The following TTC8 variants were observed in gnomAD, a reference collection of about 807,000 sequenced individuals.
The protein encoded by TTC8 is tetratricopeptide repeat domain 8, also known as tetratricopeptide repeat protein 8.
A neutral mutation model predicts 72.5 loss-of-function variants in TTC8; 47 were observed. That is an observed-to-expected ratio of 0.65 (90% CI 0.51 to 0.83). TTC8 has a LOEUF of 0.83. Ranked by LOEUF, TTC8 falls within the 40% of genes least tolerant of loss-of-function variation. The pLI is 0.00. For missense variants in TTC8, 611 were observed against 623.2 expected, an observed-to-expected ratio of 0.98 and a Z score of 0.21; for synonymous variants, 199 against 221.4, an observed-to-expected ratio of 0.90 and a Z score of 0.90.
At chr14:88,860,633 C>G (rs2094881259) in intron 9 of TTC8, among the ~76,000 whole-genome samples, 2 of 152,134 alleles carry the variant, frequency 1.3e-5, no homozygotes, top group African/African-American at 4.8e-5. Flanking sequence ...AAAAGATTTT[C>G]CCTTGATTCT....
At chr14:88,837,318 G>A (rs916667677) in intron 2 of TTC8, among the ~76,000 whole-genome samples, 1 of 152,060 alleles carries the variant, frequency 6.6e-6, no homozygotes, top group African/African-American at 2.4e-5. Flanking sequence ...CCTGTCCGCT[G>A]GGCCCAATTC....
chr14:88,844,410 A>G (rs986217055), intron 7 of TTC8, among the ~76,000 whole-genome samples: 1 of 152,258 alleles, frequency 6.6e-6, no homozygotes, highest in African/African-American at 2.4e-5. Flanking sequence ...ACTTTGGTCA[A>G]ATCAAATGCA....
intron 1 of TTC8, among the ~76,000 whole-genome samples, chr14:88,832,195 A>G (rs193115758): frequency 7.8e-4 from 119 of 152,334 alleles, no homozygotes; most frequent in Admixed American, 1.8e-3. Context: ...AGGGCAGAGG[A>G]ACAAGACAGA....
Position 88,866,382 on chromosome 14 carries a change from A to AACACACACAC in TTC8, c.910-3654_910-3645dup, listed in dbSNP as rs10553603. 8.3e-3 allele frequency among the ~76,000 whole-genome samples: 1,221 copies of AACACACACAC among 146,656 alleles called. 18 individuals are homozygous for AACACACACAC. Among genetic ancestry groups the AACACACACAC allele is most frequent in the African/African-American group, 0.029 (1,173 of 40,280 alleles). ...AAAATTGCTGAAAATGGGAGATTTAAACACACACACACACACACACACACA... is the reference window on the plus strand; with the variant it reads ...AAAATTGCTGAAAATGGGAGATTTAAACACACACACACACACACACACACACACACACACA... On this transcript the variant is annotated intron_variant, in intron 10 of 14. Transcript: ENST00000380656.
At chr14:88,870,956 C>T (rs1195848021) in intron 11 of TTC8, among the ~76,000 whole-genome samples, 1 of 152,198 alleles carries the variant, frequency 6.6e-6, no homozygotes, top group African/African-American at 2.4e-5. Flanking sequence ...TATGAACTCG[C>T]TTGTCCTTTG....
chr14:88,825,971 A>T (rs1449870377), intron 1 of TTC8, among the ~76,000 whole-genome samples: 2 of 151,894 alleles, frequency 1.3e-5, no homozygotes, highest in Non-Finnish European at 2.9e-5. Flanking sequence ...GGTTTTTTTA[A>T]ATTTTTTTTA....
At chr14:88,866,854 A>G (rs551151379) in intron 10 of TTC8, among the ~76,000 whole-genome samples, 7 of 152,148 alleles carry the variant, frequency 4.6e-5, no homozygotes, top group Non-Finnish European at 1.0e-4. Flanking sequence ...AGACTCCCAT[A>G]CACACAATCG....
At chr14:88,875,148 C>CTT (rs754605896) in intron 14 of TTC8, 39 bp downstream of exon 14, 1 of 1,491,784 alleles carries the variant, frequency 6.7e-7, no homozygotes, top group Non-Finnish European at 9.3e-7. Context: ...CTGATCTGTT[C>CTT]TTTTTTTTTC....
intron 7 of TTC8, among the ~76,000 whole-genome samples, chr14:88,852,472 C>T (rs964236878): frequency 1.3e-5 from 2 of 152,094 alleles, no homozygotes; most frequent in African/African-American, 2.4e-5. Context: ...CCAAATACTC[C>T]AGCTCCTTTC....
intron 8 of TTC8, among the ~76,000 whole-genome samples, chr14:88,853,752 T>C (rs183790165): frequency 2.0e-5 from 3 of 152,324 alleles, no homozygotes; most frequent in Admixed American, 1.3e-4. Context: ...AACTGAGAGA[T>C]CAGAAGAGTC....
intron 11 of TTC8, among the ~76,000 whole-genome samples, chr14:88,870,784 G>C (rs978719994): frequency 5.3e-5 from 8 of 152,160 alleles, no homozygotes; most frequent in African/African-American, 1.7e-4. Context: ...TATAGAAAGA[G>C]ATGACTGGCA....
chr14:88,875,009 T>C lies in TTC8; in HGVS notation c.1348-17T>C. 6.2e-7 allele frequency: 1 copy of C among 1,605,300 alleles called. No homozygotes were observed. The highest frequency in any genetic ancestry group is 8.5e-7 in the Non-Finnish European group (1 of 1,175,528). ...TCATACGCCTTTGGTTTTTCTTTTCTTTATTTTTATACACAGGCAAGGGCA... is the reference window on the plus strand; with the variant it reads ...TCATACGCCTTTGGTTTTTCTTTTCCTTATTTTTATACACAGGCAAGGGCA... On this transcript the variant is annotated splice_polypyrimidine_tract_variant and intron_variant, in intron 13 of 14. Coordinates refer to ENST00000380656, the MANE Select transcript of TTC8 (RefSeq NM_144596.4).
At chr14:88,867,314 G>A (rs1425462854) in intron 10 of TTC8, among the ~76,000 whole-genome samples, 4 of 152,098 alleles carry the variant, frequency 2.6e-5, no homozygotes, top group Non-Finnish European at 5.9e-5. Flanking sequence ...ATAAATTATG[G>A]TCTCTGTATT....
intron 14 of TTC8, among the ~76,000 whole-genome samples, chr14:88,876,546 C>G (rs1020837936): frequency 6.6e-6 from 1 of 152,018 alleles, no homozygotes; most frequent in African/African-American, 2.4e-5. Context: ...TTTGAGGTGA[C>G]GGATACCCCA....
At chr14:88,825,990 T>A (rs923717627) in intron 1 of TTC8, among the ~76,000 whole-genome samples, 13 of 151,766 alleles carry the variant, frequency 8.6e-5, no homozygotes, top group Non-Finnish European at 1.3e-4. Context: ...TATTTTTTTT[T>A]ATTTTTTTTT....
chr14:88,866,732 C>T (rs776209077), intron 10 of TTC8, among the ~76,000 whole-genome samples: 11 of 152,152 alleles, frequency 7.2e-5, no homozygotes, highest in Admixed American at 5.9e-4. Context: ...CTATGGTCAA[C>T]ATCAACACGG....
chr14:88,831,510 C>T (rs1342816940), intron 1 of TTC8, among the ~76,000 whole-genome samples: 1 of 152,188 alleles, frequency 6.6e-6, no homozygotes, highest in Non-Finnish European at 1.5e-5. Flanking sequence ...CTTGGCAGAG[C>T]CAAGAACCCT....
At chr14:88,880,546 A>G (rs17774231), downstream of TTC8, 45,687 of 152,130 alleles carry the variant, frequency 0.3, 8,721 homozygotes, top group Non-Finnish European at 0.43. Flanking sequence ...CAACCGTGTT[A>G]TCTTGGAGAA....
intron 7 of TTC8, among the ~76,000 whole-genome samples, chr14:88,851,228 GA>G (rs903398998): frequency 2.0e-5 from 3 of 151,908 alleles, no homozygotes; most frequent in Admixed American, 1.3e-4. Context: ...TGGGGCAAGA[GA>G]AAAAAAGGTC....
Sources: gnomAD v4.1 joint callset for allele counts (sites outside exome capture counted in the v4.1 genomes callset) on GRCh38, gnomAD v4.1.1 for gene constraint, MANE v1.5 for transcripts, NCBI Gene and HGNC (gene_info 2026-07-23, HGNC 2026-07-21) for gene names.